Variants in ADAR observed in about 807,000 individuals in gnomAD.
ADAR encodes double-stranded RNA-specific adenosine deaminase.
Under a neutral mutation model 113.2 loss-of-function variants are expected in ADAR, and 41 were observed. That is an observed-to-expected ratio of 0.36 (90% CI 0.28 to 0.47). The LOEUF (loss-of-function observed/expected upper bound fraction) is 0.47. Ranked by LOEUF, ADAR falls within the 20% of genes least tolerant of loss-of-function variation. The probability of loss-of-function intolerance (pLI) is 1.00; values close to 1 mark genes in which losing one functional copy is unlikely to be tolerated. For synonymous variants in ADAR, 605 were observed against 572.6 expected, an observed-to-expected ratio of 1.06 and a Z score of -0.81; for missense variants, 1,242 against 1,540.9, an observed-to-expected ratio of 0.81 and a Z score of 3.25.
chr1:154,609,460 T>C (rs1417828194), upstream of ADAR, among the ~76,000 whole-genome samples: 1 of 152,236 alleles, frequency 6.6e-6, no homozygotes, highest in Non-Finnish European at 1.5e-5. Context: ...TTCATGGTGT[T>C]AGTCACTCCA....
chr1:154,588,744 C>T, intron 9 of ADAR, 71 bp from the exon 10 acceptor site: 2 of 1,595,598 alleles, frequency 1.3e-6, no homozygotes, highest in Admixed American at 1.7e-5. Context: ...ATAATCTGAC[C>T]TCCAAATGAG....
At chr1:154,592,903 A>C (rs1697241739) in intron 6 of ADAR, among the ~76,000 whole-genome samples, 1 of 152,000 alleles carries the variant, frequency 6.6e-6, no homozygotes, top group Non-Finnish European at 1.5e-5. Flanking sequence ...TGGGAGGCTG[A>C]GGCGGGTGGA....
intron 8 of ADAR, 60 bp from the exon 9 acceptor site, chr1:154,589,522 G>A: frequency 6.8e-7 from 1 of 1,468,322 alleles, no homozygotes; most frequent in Non-Finnish European, 9.5e-7. Context: ...AAAACAGGAT[G>A]AAGGCTATTT....
At chr1:154,625,432 G>A (rs1178097260) in intron 1 of ADAR, among the ~76,000 whole-genome samples, 1 of 152,188 alleles carries the variant, frequency 6.6e-6, no homozygotes, top group African/African-American at 2.4e-5. Context: ...ATTAATGTCA[G>A]GACCTTAGCC....
intron 6 of ADAR, among the ~76,000 whole-genome samples, chr1:154,591,108 A>C (rs534051296): frequency 6.6e-6 from 1 of 152,354 alleles, no homozygotes; most frequent in African/African-American, 2.4e-5. Context: ...GGTGGCTGTA[A>C]AACAGAATAT....
At chr1:154,602,721 G>T in intron 1 of ADAR, 95 bp from the exon 2 acceptor site, 1 of 1,438,190 alleles carries the variant, frequency 7.0e-7, no homozygotes, top group Non-Finnish European at 9.5e-7. Context: ...AACAGCCCTT[G>T]AAGGGCTGAG....
Position 154,582,180 on chromosome 1 carries a change from C to T in ADAR, c.*2626G>A, listed in dbSNP as rs1476472345. On this transcript the variant is annotated 3_prime_UTR_variant, in exon 15 of 15. Coordinates refer to ENST00000368474, the MANE Select transcript of ADAR (RefSeq NM_001111.5). ...CTGGACTGCAGCCATCATCACAGTACCCGAGTCTATGCTTGGGGGTCTTCC... is the reference window on the plus strand; with the variant it reads ...CTGGACTGCAGCCATCATCACAGTATCCGAGTCTATGCTTGGGGGTCTTCC... The T allele has an allele frequency of 1.3e-5, 2 of 152,532 alleles. No individual in the cohort carries two copies. Among genetic ancestry groups the T allele is most frequent in the South Asian group, 4.2e-4 (2 of 4,818 alleles). The allele number at this position is 152,532 out of a possible 1,614,324, so 9.4% of individuals were successfully genotyped here.
intron 8 of ADAR, 25 bp from the exon 9 acceptor site, chr1:154,589,487 T>C (rs1000268386): frequency 6.3e-6 from 10 of 1,583,248 alleles, no homozygotes; most frequent in East Asian, 2.2e-5. Flanking sequence ...AAAACAGAAA[T>C]AGAATAATGG....
chr1:154,627,481 G>T (rs1698976452), intron 1 of ADAR, among the ~76,000 whole-genome samples: 1 of 152,232 alleles, frequency 6.6e-6, no homozygotes, highest in Admixed American at 6.5e-5. Flanking sequence ...TCTCCGAGGC[G>T]GGGGAGCCGG....
In ADAR at chr1:154,620,800, G is replaced by T. The variant is rs550429139; in HGVS notation, c.-871+7055C>A. Among the ~76,000 whole-genome samples the T allele has an allele frequency of 9.9e-5, 15 of 152,254 alleles. No individual in the cohort carries two copies. The South Asian group carries it at 2.1e-3, about 21-fold the overall frequency. On this transcript the variant is annotated intron_variant, in intron 1 of 14. Coordinates refer to the ADAR transcript ENST00000368471. ...TATTTCTTGATTTGGATAGTTAAAT[G>T]GATATATTTTTGTTAAAATACATTG...
At chr1:154,622,258 A>G (rs999159114) in intron 1 of ADAR, among the ~76,000 whole-genome samples, 5 of 152,198 alleles carry the variant, frequency 3.3e-5, no homozygotes, top group African/African-American at 7.2e-5. Context: ...TTTACTAGCT[A>G]TGGCTGTAAA....
At chr1:154,600,779 A>G (rs1157251093) in intron 2 of ADAR, 5 of 554,258 alleles carry the variant, frequency 9.0e-6, no homozygotes, top group African/African-American at 7.6e-5. Context: ...GCCAAAACCA[A>G]TCATTTCTAA....
chr1:154,624,852 T>C (rs1339545941), intron 1 of ADAR, among the ~76,000 whole-genome samples: 4 of 152,156 alleles, frequency 2.6e-5, no homozygotes, highest in East Asian at 1.9e-4. Context: ...CTCTAATCAG[T>C]TGGTCACAGA....
chr1:154,584,707 A>AG lies in ADAR; in HGVS notation c.*98dup, dbSNP rs2101555867. On this transcript the variant is annotated 3_prime_UTR_variant, in exon 15 of 15. Transcript: ENST00000368474. The stretch of plus-strand genomic sequence containing the variant: ...TATGGCTTAAAAAGAAAAAAAAAGG[A>AG]GAAAAAAAAATCCCCTGACCATGTG... 2 of 1,079,810 alleles carry AG rather than the reference A, an allele frequency of 1.9e-6. No individual in the cohort carries two copies. Among genetic ancestry groups the AG allele is most frequent in the African/African-American group, 1.6e-5 (1 of 62,762 alleles). 66.9% of individuals were successfully genotyped at this position (1,079,810 alleles called of 1,614,324 possible).
chr1:154,584,974 G>A lies in ADAR; in HGVS notation c.3513C>T (p.Phe1171=). Residue 1171 remains phenylalanine (F), a synonymous_variant, in exon 15 of 15, where the codon TTC becomes TTT. Transcript: ENST00000368474. ...GTCTCAGTAGATCCCTGCGGTAACG[G>A]AAGGAGCAGAGCTTCTTAAATAGAA... ...IFLLFKKLCS[F]RYRRDLLRLS... is the part of the protein sequence containing the mutation. The A allele has an allele frequency of 6.2e-7, 1 of 1,614,214 alleles. No homozygotes were observed. The highest frequency in any genetic ancestry group is 8.5e-7 in the Non-Finnish European group (1 of 1,180,048).
upstream of ADAR, among the ~76,000 whole-genome samples, chr1:154,609,152 C>G (rs977627969): frequency 1.9e-4 from 29 of 152,214 alleles, no homozygotes; most frequent in African/African-American, 6.5e-4. Flanking sequence ...AAATCCAGGT[C>G]TGAAGGCTTT....
chr1:154,610,675 TG>T (rs1232834847), upstream of ADAR, among the ~76,000 whole-genome samples: 1 of 151,926 alleles, frequency 6.6e-6, no homozygotes, highest in African/African-American at 2.4e-5. Flanking sequence ...CTGGGCATGG[TG>T]GCGTGTGCCT....
Position 154,586,016 on chromosome 1 carries a change from CCAGGATCTTCCTACCACAG to C in ADAR, c.3202+146_3203-152del, listed in dbSNP as rs1390946756. ...AGGAAGCACCTTCTGACTGGGGCTA[CCAGGATCTTCCTACCACAG>C]CAGACTGGACACTCAATCAATTACT... On this transcript the variant is annotated intron_variant, in intron 12 of 14. Coordinates refer to ENST00000368474, the MANE Select transcript of ADAR (RefSeq NM_001111.5). The C allele has an allele frequency of 5.1e-6, 6 of 1,171,236 alleles. No homozygotes were observed. In the African/African-American group the frequency reaches 9.2e-5, roughly 18 times the overall value. 72.6% of individuals were successfully genotyped at this position (1,171,236 alleles called of 1,614,324 possible). A position where few individuals can be genotyped will look rare whatever the true frequency, so the allele number is the denominator to read the frequency against.
At chr1:154,613,918 A>C (rs945137118) in intron 1 of ADAR, among the ~76,000 whole-genome samples, 1 of 151,660 alleles carries the variant, frequency 6.6e-6, no homozygotes, top group African/African-American at 2.4e-5. Context: ...AAAAAAAAAA[A>C]AGAAAGCAAG....
Sources: gnomAD v4.1 joint callset for allele counts (sites outside exome capture counted in the v4.1 genomes callset) on GRCh38, gnomAD v4.1.1 for gene constraint, MANE v1.5 for transcripts, NCBI Gene and HGNC (gene_info 2026-07-23, HGNC 2026-07-21) for gene names.